The following BRINP1 variants were observed in gnomAD, a reference collection of about 807,000 sequenced individuals.
BRINP1 encodes the protein BMP/retinoic acid-inducible neural-specific protein 1.
BRINP1 carries 17 observed loss-of-function variants against 72.9 expected under a neutral mutation model. That is an observed-to-expected ratio of 0.23 (90% CI 0.16 to 0.35). BRINP1 has a LOEUF of 0.35. Ranked by LOEUF, BRINP1 falls within the 10% of genes least tolerant of loss-of-function variation. BRINP1 has a pLI of 1.00. For synonymous variants in BRINP1, 418 were observed against 378.5 expected, an observed-to-expected ratio of 1.10 and a Z score of -1.21; for missense variants, 850 against 1,001.6, an observed-to-expected ratio of 0.85 and a Z score of 2.04.
intron 7 of BRINP1, among the ~76,000 whole-genome samples, chr9:119,206,841 C>T (rs1283992831): frequency 6.6e-6 from 1 of 152,156 alleles, no homozygotes; most frequent in African/African-American, 2.4e-5. Context: ...GAGACTTGCT[C>T]GTGGTAGCAG....
At chr9:119,329,558 T>A (rs902052631) in intron 1 of BRINP1, among the ~76,000 whole-genome samples, 6 of 152,164 alleles carry the variant, frequency 3.9e-5, no homozygotes, top group African/African-American at 1.2e-4. Flanking sequence ...CTTCCCACTC[T>A]CTCAAGGTTC....
chr9:119,193,220 T>C (rs953552565), intron 7 of BRINP1, among the ~76,000 whole-genome samples: 41 of 152,154 alleles, frequency 2.7e-4, no homozygotes, highest in African/African-American at 9.4e-4. Context: ...CATATGTATA[T>C]GATATAATAT....
chr9:119,237,520 G>A (rs909507423), intron 5 of BRINP1, among the ~76,000 whole-genome samples: 1 of 151,580 alleles, frequency 6.6e-6, no homozygotes, highest in Non-Finnish European at 1.5e-5. Flanking sequence ...CTGCCACCAC[G>A]CTTGGCTAAC....
chr9:119,183,413 A>G (rs1031016909), intron 7 of BRINP1, among the ~76,000 whole-genome samples: 2 of 152,162 alleles, frequency 1.3e-5, no homozygotes, highest in African/African-American at 2.4e-5. Flanking sequence ...TTCATATATA[A>G]AGCAAAACTG....
intron 2 of BRINP1, among the ~76,000 whole-genome samples, chr9:119,289,895 C>T (rs900270379): frequency 2.0e-5 from 3 of 152,124 alleles, no homozygotes; most frequent in East Asian, 1.9e-4. Context: ...GTCCCTAGTC[C>T]GAGTCATTAT....
chr9:119,251,925 T>C (rs958674981), intron 2 of BRINP1, among the ~76,000 whole-genome samples: 7 of 152,084 alleles, frequency 4.6e-5, no homozygotes, highest in African/African-American at 1.7e-4. Context: ...AATTCTTCGA[T>C]GTCTATTTGG....
intron 4 of BRINP1, among the ~76,000 whole-genome samples, chr9:119,241,658 TTAC>T (rs1241490902): frequency 2.0e-5 from 3 of 152,210 alleles, no homozygotes; most frequent in Admixed American, 2.0e-4. Flanking sequence ...GTTTAAAATA[TTAC>T]TGAGCTAGGC....
chr9:119,288,941 C>T (rs1358154231), intron 2 of BRINP1, among the ~76,000 whole-genome samples: 2 of 152,190 alleles, frequency 1.3e-5, no homozygotes, highest in Non-Finnish European at 2.9e-5. Flanking sequence ...GCTGGGATTA[C>T]AGGCATGTGC....
At chr9:119,361,187 C>T (rs1037821359) in intron 1 of BRINP1, among the ~76,000 whole-genome samples, 9 of 152,156 alleles carry the variant, frequency 5.9e-5, no homozygotes, top group Admixed American at 6.5e-5. Flanking sequence ...CTCCTTAAGG[C>T]CACTTGCAAT....
At chr9:119,312,231 C>T (rs946761826) in intron 2 of BRINP1, among the ~76,000 whole-genome samples, 1 of 152,184 alleles carries the variant, frequency 6.6e-6, no homozygotes, top group Non-Finnish European at 1.5e-5. Flanking sequence ...CCTCCTAAGA[C>T]CACACCTAAC....
chr9:119,289,960 T>G (rs1322088379), intron 2 of BRINP1, among the ~76,000 whole-genome samples: 1 of 152,172 alleles, frequency 6.6e-6, no homozygotes, highest in Admixed American at 6.5e-5. Flanking sequence ...GCTTACACTC[T>G]TGCTCCCCCT....
At chr9:119,203,101 C>A (rs1243794624) in intron 7 of BRINP1, among the ~76,000 whole-genome samples, 1 of 152,074 alleles carries the variant, frequency 6.6e-6, no homozygotes, top group African/African-American at 2.4e-5. Context: ...GACGAGCAAA[C>A]CCTGCCTTTG....
chr9:119,172,460 A>C (rs1339007273), intron 7 of BRINP1, among the ~76,000 whole-genome samples: 1 of 152,026 alleles, frequency 6.6e-6, no homozygotes, highest in Non-Finnish European at 1.5e-5. Context: ...ATAGACCAAT[A>C]ACAGGATCTG....
chr9:119,274,268 T>C (rs1321305394), intron 2 of BRINP1, among the ~76,000 whole-genome samples: 1 of 151,648 alleles, frequency 6.6e-6, no homozygotes, highest in African/African-American at 2.4e-5. Context: ...GAAAGGAGAG[T>C]AGAAGGAGAA....
intron 1 of BRINP1, among the ~76,000 whole-genome samples, chr9:119,343,920 G>A (rs1388752950): frequency 1.3e-5 from 2 of 151,012 alleles, no homozygotes; most frequent in Non-Finnish European, 3.0e-5. Flanking sequence ...TCCTCCTAAT[G>A]TTCTCTTACT....
At chr9:119,275,813 T>C (rs1206635192) in intron 2 of BRINP1, among the ~76,000 whole-genome samples, 1 of 152,176 alleles carries the variant, frequency 6.6e-6, no homozygotes, top group African/African-American at 2.4e-5. Context: ...GATACAGGCA[T>C]ATCAAAATCA....
intron 2 of BRINP1, among the ~76,000 whole-genome samples, chr9:119,268,337 A>G (rs1235687989): frequency 6.6e-6 from 1 of 150,524 alleles, no homozygotes; most frequent in African/African-American, 2.4e-5. Flanking sequence ...ACTCTACCAT[A>G]GCTGATACGG....
At chr9:119,358,262 T>A (rs1587972525) in intron 1 of BRINP1, among the ~76,000 whole-genome samples, 1 of 152,046 alleles carries the variant, frequency 6.6e-6, no homozygotes, top group South Asian at 2.1e-4. Context: ...CTTTCCCATA[T>A]GCACCTGATG....
At chr9:119,208,997 A>G (rs959960036) in intron 6 of BRINP1, 56 bp from the exon 7 acceptor site, 13 of 1,472,652 alleles carry the variant, frequency 8.8e-6, no homozygotes, top group South Asian at 1.1e-5. Flanking sequence ...ACCCATCTAA[A>G]GTGGCCTTGA....
Sources: allele counts gnomAD v4.1 joint callset (sites outside exome capture counted in the v4.1 genomes callset), GRCh38; gene constraint gnomAD v4.1.1; transcripts MANE v1.5; gene names NCBI Gene and HGNC (gene_info 2026-07-23, HGNC 2026-07-21).